MCTP2: variants seen among roughly 807,000 people sequenced by gnomAD.
MCTP2 encodes the protein multiple C2 and transmembrane domain-containing protein 2.
MCTP2 carries 132 observed loss-of-function variants against 111.6 expected under a neutral mutation model. The ratio of observed to expected loss-of-function variants is 1.18; its 90% CI spans 1.03 to 1.37. The LOEUF (loss-of-function observed/expected upper bound fraction) is 1.37, where lower values mean the gene tolerates loss of function less well. MCTP2 is among the 40% of genes most tolerant of loss of function. The pLI, the probability that MCTP2 is intolerant of heterozygous loss-of-function variation, is 0.00. For synonymous variants in MCTP2, 395 were observed against 387.7 expected, an observed-to-expected ratio of 1.02 and a Z score of -0.22; for missense variants, 1,183 against 1,067.9, an observed-to-expected ratio of 1.11 and a Z score of -1.50.
intron 1 of MCTP2, among the ~76,000 whole-genome samples, chr15:94,258,984 A>G (rs2073018219): frequency 6.6e-6 from 1 of 152,326 alleles, no homozygotes; most frequent in East Asian, 1.9e-4. Context: ...CTGATAATAT[A>G]TATACATTAT....
rs1054804990 is a variant in MCTP2 at position 94,406,951 on chromosome 15, T to G, written c.2085+4932T>G. ...CCCCTTATGTTCCTTTAAAATATCT[T>G]GAAATAATAGCTATAAAAGAGATAG... is the stretch of plus-strand genomic sequence containing the variant. On this transcript the variant is annotated intron_variant, in intron 17 of 22. Coordinates refer to ENST00000357742, the MANE Select transcript of MCTP2 (RefSeq NM_001385001.1). Among the ~76,000 whole-genome samples, 5 of 151,934 alleles carry G rather than the reference T, an allele frequency of 3.3e-5. No homozygotes were observed. The South Asian group carries it at 1.0e-3, about 32-fold the overall frequency.
intron 1 of MCTP2, among the ~76,000 whole-genome samples, chr15:94,243,993 A>G (rs772131300): frequency 6.1e-5 from 9 of 147,570 alleles, no homozygotes; most frequent in South Asian, 2.1e-4. Context: ...ACATATGTGT[A>G]TATATTTATG....
At chr15:94,399,140 A>G (rs2081427704) in intron 15 of MCTP2, 78 bp downstream of exon 15, 4 of 745,066 alleles carry the variant, frequency 5.4e-6, no homozygotes, top group Non-Finnish European at 9.4e-6. Flanking sequence ...GGCTCAAATC[A>G]ATGTAAGATG....
At chr15:94,436,288 C>T (rs1349469653) in intron 17 of MCTP2, among the ~76,000 whole-genome samples, 2 of 152,202 alleles carry the variant, frequency 1.3e-5, no homozygotes, top group East Asian at 3.8e-4. Flanking sequence ...TTTTAATTAA[C>T]TCCATGCAGA....
chr15:94,278,889 T>C (rs1317996030), intron 1 of MCTP2, among the ~76,000 whole-genome samples: 1 of 152,168 alleles, frequency 6.6e-6, no homozygotes, highest in Non-Finnish European at 1.5e-5. Flanking sequence ...CCACTATTAT[T>C]GAATAGGGAG....
chr15:94,242,853 T>A (rs78931571), intron 1 of MCTP2, among the ~76,000 whole-genome samples: 3 of 150,396 alleles, frequency 2.0e-5, no homozygotes, highest in Admixed American at 6.6e-5. Flanking sequence ...GATGAAAGCC[T>A]GGCCACTTCT....
rs1270438188 is a variant in MCTP2 at position 94,480,552 on chromosome 15, G to T, written c.*1518G>T. The stretch of plus-strand genomic sequence containing the variant: ...AATTATAAAAGCTCCAGTAAATCTC[G>T]TAGTTGTACATACAATAGATACCCA... On this transcript the variant is annotated 3_prime_UTR_variant, in exon 23 of 23. Transcript: ENST00000357742. 6.6e-6 allele frequency: 1 copy of T among 152,200 alleles called. No individual in the cohort carries two copies. Among genetic ancestry groups the T allele is most frequent in the South Asian group, 2.1e-4 (1 of 4,832 alleles). The allele number at this position is 152,200 out of a possible 1,614,324, so 9.4% of individuals were successfully genotyped here.
upstream of MCTP2, chr15:94,231,476 C>G: frequency 9.6e-3 from 1 of 104 alleles, no homozygotes; most frequent in African/African-American, 0.1. Context: ...GCCGCCTCCT[C>G]CCCTTTAGGC....
Position 94,385,638 on chromosome 15 carries a change from A to G in MCTP2, c.1788+113A>G, listed in dbSNP as rs568251010. On this transcript the variant is annotated intron_variant, in intron 14 of 22. Transcript: ENST00000357742. ...CTGGGGGAAAAAAATCCTCCTAACT[A>G]TAGCAGGAAACGACTGTTTTATTCC... is the stretch of plus-strand genomic sequence containing the variant. The G allele has an allele frequency of 5.1e-4, 368 of 724,058 alleles. 2 individuals are homozygous for G. The African/African-American group carries it at 5.8e-3, about 11-fold the overall frequency. The allele number at this position is 724,058 out of a possible 1,614,324, so 44.9% of individuals were successfully genotyped here.
rs1292993110 is a variant in MCTP2, at chr15:94,345,133, G to A, written c.974G>A (p.Trp325Ter). 2 of 1,612,394 alleles carry A rather than the reference G, an allele frequency of 1.2e-6. No homozygotes were observed. The highest frequency in any genetic ancestry group is 1.7e-6 in the Non-Finnish European group (2 of 1,178,922). ...TCCGCGGACACAAATCTTTAGCGTT[G>A]GTCAAATCGGAAGCGATTAAGTGCC... ...VKQGDFKRHR[W>*]SNRKRLSASK... The change falls in exon 8 of 23, where the codon TGG becomes TAG. Residue 325 changes from tryptophan (W) to a stop codon, truncating the protein, a stop_gained. Coordinates refer to ENST00000357742, the MANE Select transcript of MCTP2 (RefSeq NM_001385001.1). LOFTEE classifies it high-confidence loss of function.
At chr15:94,456,142 C>T (rs919487522) in intron 19 of MCTP2, among the ~76,000 whole-genome samples, 1 of 152,128 alleles carries the variant, frequency 6.6e-6, no homozygotes, top group Non-Finnish European at 1.5e-5. Context: ...ATTAACAAGT[C>T]CAGATGATAA....
chr15:94,392,960 T>C (rs1293550800), intron 14 of MCTP2, among the ~76,000 whole-genome samples: 1 of 152,206 alleles, frequency 6.6e-6, no homozygotes, highest in Non-Finnish European at 1.5e-5. Flanking sequence ...TCTATGTTTA[T>C]GAATTAACAA....
At chr15:94,282,640 G>T (rs1324153842) in intron 1 of MCTP2, among the ~76,000 whole-genome samples, 2 of 152,192 alleles carry the variant, frequency 1.3e-5, no homozygotes, top group Non-Finnish European at 2.9e-5. Flanking sequence ...CAGAGATCTT[G>T]CACTAGTTCT....
Position 94,462,278 on chromosome 15 carries a change from A to T in MCTP2, c.2360+4032A>T, listed in dbSNP as rs188337132. On this transcript the variant is annotated intron_variant, in intron 20 of 22. Transcript: ENST00000357742. ...GATGTTCTTCCATATTAGTGAGCTC[A>T]TGTGGTTGAATGAATGAAGAGGATT... 7.2e-5 allele frequency among the ~76,000 whole-genome samples: 11 copies of T among 152,302 alleles called. No homozygotes were observed. The East Asian group carries it at 2.1e-3, about 29-fold the overall frequency.
chr15:94,460,756 C>G (rs2085144465), intron 20 of MCTP2, among the ~76,000 whole-genome samples: 1 of 152,230 alleles, frequency 6.6e-6, no homozygotes, highest in Non-Finnish European at 1.5e-5. Flanking sequence ...GATGTGTCTT[C>G]AGCCCATGAA....
At position 94,381,498 on chromosome 15, in the gene MCTP2, C is replaced by T. The variant is rs796287551; in HGVS notation, c.1583-2524C>T. ...CTAAGAGCGTGCTTGCTTGAGAGAG[C>T]GGGAGCCACAGAACGAGCCCACCTG... On this transcript the variant is annotated intron_variant, in intron 12 of 22. Transcript: ENST00000357742. Among the ~76,000 whole-genome samples, 12 of 152,270 alleles carry T rather than the reference C, an allele frequency of 7.9e-5. No homozygotes were observed. The South Asian group carries it at 1.0e-3, about 13-fold the overall frequency.
At chr15:94,454,281 A>G (rs2084658834) in intron 19 of MCTP2, among the ~76,000 whole-genome samples, 1 of 152,224 alleles carries the variant, frequency 6.6e-6, no homozygotes, top group African/African-American at 2.4e-5. Context: ...AACTAATAAG[A>G]TATTCCTCCA....
chr15:94,356,611 A>G (rs1324281578), intron 9 of MCTP2, among the ~76,000 whole-genome samples: 2 of 152,200 alleles, frequency 1.3e-5, no homozygotes, highest in Non-Finnish European at 2.9e-5. Flanking sequence ...TGGGAAAAGG[A>G]TAAGTAAAAG....
intron 19 of MCTP2, among the ~76,000 whole-genome samples, chr15:94,444,067 C>T (rs2083982960): frequency 6.6e-6 from 1 of 151,308 alleles, no homozygotes; most frequent in African/African-American, 2.4e-5. Context: ...GTCTAGGCCT[C>T]CTGTTCTTCA....
Sources: allele counts gnomAD v4.1 joint callset (sites outside exome capture counted in the v4.1 genomes callset), GRCh38; gene constraint gnomAD v4.1.1; transcripts MANE v1.5; gene names NCBI Gene and HGNC (gene_info 2026-07-23, HGNC 2026-07-21).